AKR1B10: variants seen among roughly 807,000 people sequenced by gnomAD.
AKR1B10 encodes the protein aldo-keto reductase family 1 member B10.
In AKR1B10, 39 loss-of-function variants were observed where a neutral mutation model predicts 38.9. That is an observed-to-expected ratio of 1.00 (90% confidence interval 0.78 to 1.31). The LOEUF (loss-of-function observed/expected upper bound fraction) is 1.31, where lower values mean the gene tolerates loss of function less well. AKR1B10 is among the 50% of genes most tolerant of loss of function. The pLI is 0.00. For missense variants in AKR1B10, 361 were observed against 382.6 expected, an observed-to-expected ratio of 0.94 and a Z score of 0.47; for synonymous variants, 148 against 141.2, an observed-to-expected ratio of 1.05 and a Z score of -0.34.
Position 134,538,356 on chromosome 7 carries a change from T to A in AKR1B10, c.825+79T>A, listed in dbSNP as rs529009275. 1.6e-5 allele frequency: 22 copies of A among 1,365,368 alleles called. No homozygotes were observed. In the Admixed American group the frequency reaches 2.4e-4, roughly 15 times the overall value. 84.6% of individuals were successfully genotyped at this position (1,365,368 alleles called of 1,614,324 possible). A position where few individuals can be genotyped will look rare whatever the true frequency, so the allele number is the denominator to read the frequency against. The stretch of plus-strand genomic sequence containing the variant: ...AGACCTTCTCACTAGGCTTCTCACC[T>A]CATCGCTGCATTGTCTTTTGCCCCC... On this transcript the variant is annotated intron_variant, in intron 8 of 9. Transcript: ENST00000359579.
intron 9 of AKR1B10, 69 bp downstream of exon 9, chr7:134,539,086 A>G: frequency 6.3e-7 from 1 of 1,584,262 alleles, no homozygotes; most frequent in Non-Finnish European, 8.7e-7. Flanking sequence ...GTTAGTTGGA[A>G]GGATTGGAAG....
chr7:134,541,176 G>A lies in AKR1B10; in HGVS notation c.*87G>A. The A allele has an allele frequency of 9.7e-7, 1 of 1,033,566 alleles. No homozygotes were observed. The highest frequency in any genetic ancestry group is 1.4e-6 in the Non-Finnish European group (1 of 689,802). 64.0% of individuals were successfully genotyped at this position (1,033,566 alleles called of 1,614,324 possible). Reference sequence around the variant, plus strand: ...TCCACTCATGTCCCATTTTAGCCAAGCTTATTTAAGATCACAGTGAACTTA... The same window carrying A: ...TCCACTCATGTCCCATTTTAGCCAAACTTATTTAAGATCACAGTGAACTTA... On this transcript the variant is annotated 3_prime_UTR_variant, in exon 10 of 10. Transcript: ENST00000359579.
chr7:134,541,314 T>C lies in AKR1B10; in HGVS notation c.*225T>C, dbSNP rs1454611776. ...GCTTGAATAAGGAAATGACAATTTTTTCCACTTATCTGATCAGAACAAATG... is the reference window on the plus strand; with the variant it reads ...GCTTGAATAAGGAAATGACAATTTTCTCCACTTATCTGATCAGAACAAATG... On this transcript the variant is annotated 3_prime_UTR_variant, in exon 10 of 10. Transcript: ENST00000359579. The C allele has an allele frequency of 2.1e-6, 1 of 482,572 alleles. No individual in the cohort carries two copies. Among genetic ancestry groups the C allele is most frequent in the Non-Finnish European group, 3.7e-6 (1 of 273,258 alleles). The allele number at this position is 482,572 out of a possible 1,614,324, so 29.9% of individuals were successfully genotyped here.
intron 3 of AKR1B10, 58 bp downstream of exon 3, chr7:134,532,082 G>A: frequency 6.3e-7 from 1 of 1,596,864 alleles, no homozygotes; most frequent in Non-Finnish European, 8.6e-7. Context: ...GAAAATAGTA[G>A]CTGCACCAGG....
At chr7:134,535,574 C>G (rs1014797032) in intron 4 of AKR1B10, 2 of 971,148 alleles carry the variant, frequency 2.1e-6, no homozygotes, top group Non-Finnish European at 2.4e-6. Context: ...TGTTTTTTCC[C>G]TCTTTTCTGT....
intron 7 of AKR1B10, 49 bp from the exon 8 acceptor site, chr7:134,538,145 G>A: frequency 6.6e-7 from 1 of 1,507,682 alleles, no homozygotes; most frequent in Non-Finnish European, 9.2e-7. Flanking sequence ...TCCATAAAAG[G>A]AGGGGTCTTT....
rs1286760266 is a variant in AKR1B10, at chr7:134,532,901, T to C, written c.352-103T>C. On this transcript the variant is annotated intron_variant, in intron 3 of 9. Transcript: ENST00000359579. Reference sequence around the variant, plus strand: ...TACTCCAGAACTTGAAAAAGTGGTATGCAGATGTGGTATTTAGCAAGAGTC... The same window carrying C: ...TACTCCAGAACTTGAAAAAGTGGTACGCAGATGTGGTATTTAGCAAGAGTC... The C allele has an allele frequency of 6.6e-6, 6 of 912,790 alleles. No homozygotes were observed. The African/African-American group carries it at 1.0e-4, about 16-fold the overall frequency. 56.5% of individuals were successfully genotyped at this position (912,790 alleles called of 1,614,324 possible).
intron 1 of AKR1B10, among the ~76,000 whole-genome samples, chr7:134,530,072 T>C (rs1164221345): frequency 6.6e-6 from 1 of 152,186 alleles, no homozygotes; most frequent in Non-Finnish European, 1.5e-5. Flanking sequence ...TTACAGAGAT[T>C]GAATCACCTG....
chr7:134,531,779 TTAATC>T (rs1807864177), intron 2 of AKR1B10, 124 bp from the exon 3 acceptor site: 1 of 1,032,626 alleles, frequency 9.7e-7, no homozygotes, highest in East Asian at 2.4e-5. Flanking sequence ...GTCGTGGATC[TTAATC>T]AGCTTTGTTA....
chr7:134,537,740 C>T, intron 7 of AKR1B10, 79 bp downstream of exon 7: 1 of 1,541,650 alleles, frequency 6.5e-7, no homozygotes, highest in Non-Finnish European at 8.9e-7. Context: ...TTGTCCTCAA[C>T]AAACTCCTTA....
chr7:134,536,533 C>T (rs1028541180), intron 4 of AKR1B10, 117 bp from the exon 5 acceptor site: 13 of 1,451,634 alleles, frequency 9.0e-6, no homozygotes, highest in East Asian at 2.4e-5. Context: ...GTGAATGCTT[C>T]GGCTAACCCT....
rs4732036 is a variant in AKR1B10, at chr7:134,541,036, C to T, written c.909-11C>T. ...AGTTTCTCTGTTTTTGTTTTTTGTT[C>T]TTTCCTGCAGATCCTCTCATTTGGA... On this transcript the variant is annotated splice_polypyrimidine_tract_variant and intron_variant, in intron 9 of 9. Coordinates refer to ENST00000359579, the MANE Select transcript of AKR1B10 (RefSeq NM_020299.5). 1,132,449 of 1,552,230 alleles carry T rather than the reference C, an allele frequency of 0.73. 416,844 individuals carry two copies. Among genetic ancestry groups the T allele is most frequent in the East Asian group, 0.96 (42,538 of 44,446 alleles).
Position 134,536,754 on chromosome 7 carries a change from T to G in AKR1B10, c.534T>G (p.Tyr178Ter), listed in dbSNP as rs150738610. The stretch of plus-strand genomic sequence containing the variant: ...TCTTGAACAAACCTGGACTGAAATA[T>G]AAACCAGTGACTAACCAGGTAAATT... ...EKLLNKPGLK[Y>*]KPVTNQVECH... The change falls in exon 5 of 10, where the codon TAT becomes TAG. Residue 178 changes from tyrosine to a stop codon, truncating the protein, a stop_gained. Transcript: ENST00000359579. LOFTEE classifies it high-confidence loss of function. 541 of 1,613,884 alleles carry G rather than the reference T, an allele frequency of 3.4e-4. 8 individuals carry two copies. The Middle Eastern group carries it at 3.6e-3, about 11-fold the overall frequency.
At chr7:134,535,747 G>A (rs1276621849) in intron 4 of AKR1B10, 1 of 936,400 alleles carries the variant, frequency 1.1e-6, no homozygotes, top group African/African-American at 1.8e-5. Flanking sequence ...TGTCATGATT[G>A]ATGGCTCCAT....
At chr7:134,537,384 C>T (rs1808040989) in intron 6 of AKR1B10, among the ~76,000 whole-genome samples, 196 bp from the exon 7 acceptor site, 1 of 152,090 alleles carries the variant, frequency 6.6e-6, no homozygotes, top group Non-Finnish European at 1.5e-5. Flanking sequence ...CCAGTTCAGC[C>T]ACCCAAGGGT....
intron 3 of AKR1B10, among the ~76,000 whole-genome samples, chr7:134,532,431 T>A (rs1396118605): frequency 6.6e-6 from 1 of 152,148 alleles, no homozygotes; most frequent in Non-Finnish European, 1.5e-5. Context: ...GGGAGTGGCA[T>A]CTTGGAGAAA....
chr7:134,538,279 T>A lies in AKR1B10; in HGVS notation c.825+2T>A, dbSNP rs1166375664. 1 of 1,613,538 alleles carries A rather than the reference T, an allele frequency of 6.2e-7. No homozygotes were observed. Among genetic ancestry groups the A allele is most frequent in the African/African-American group, 1.3e-5 (1 of 74,882 alleles). ...GCACGCATTGTTGAGAACATTCAGG[T>A]AAGTTTCCGGCTGGTCGGCCCTGGT... On this transcript the variant is annotated splice_donor_variant, in intron 8 of 9. Transcript: ENST00000359579. LOFTEE classifies it high-confidence loss of function.
rs574046422 is a variant in AKR1B10, at chr7:134,527,640, C to G, written c.-272C>G. On this transcript the variant is annotated 5_prime_UTR_variant, in exon 1 of 10. Transcript: ENST00000359579. ...CAGCACTTTGGAAGGCCGAGGTGGG[C>G]GGATCACCTGAGCTCAGGAGTTTGA... 1.9e-5 allele frequency: 5 copies of G among 262,686 alleles called. No individual in the cohort carries two copies. In the East Asian group the frequency reaches 3.8e-4, roughly 20 times the overall value. The allele number at this position is 262,686 out of a possible 1,614,324, so 16.3% of individuals were successfully genotyped here. A position where few individuals can be genotyped will look rare whatever the true frequency, so the allele number is the denominator to read the frequency against.
Position 134,527,728 on chromosome 7 carries a change from C to CATTAA in AKR1B10, c.-184_-183insATTAA. On this transcript the variant is annotated 5_prime_UTR_variant, in exon 1 of 10. Transcript: ENST00000359579. ...GGGAGTCACGGTGGGCGCCTGTAATCCCAGCTACTCGGGAGGCTGAGGCAG... is the reference window on the plus strand; with the variant it reads ...GGGAGTCACGGTGGGCGCCTGTAATCATTAACCAGCTACTCGGGAGGCTGAGGCAG... 5 of 500,052 alleles carry CATTAA rather than the reference C, an allele frequency of 1.0e-5. No individual in the cohort carries two copies. Among genetic ancestry groups the CATTAA allele is most frequent in the Admixed American group, 4.2e-5 (1 of 23,686 alleles). The allele number at this position is 500,052 out of a possible 1,614,324, so 31.0% of individuals were successfully genotyped here.
Sources: allele counts gnomAD v4.1 joint callset (sites outside exome capture counted in the v4.1 genomes callset), GRCh38; gene constraint gnomAD v4.1.1; transcripts MANE v1.5; gene names NCBI Gene and HGNC (gene_info 2026-07-23, HGNC 2026-07-21).